The following EPHA6 variants were observed in gnomAD, a reference collection of about 807,000 sequenced individuals.
EPHA6 encodes the protein EPH receptor A6.
EPHA6 carries 50 observed loss-of-function variants against 112.0 expected under a neutral mutation model. The observed-to-expected ratio is 0.45, with a 90% CI of 0.36 to 0.56. The LOEUF is 0.56. Ranked by LOEUF, EPHA6 falls within the 20% of genes least tolerant of loss-of-function variation. EPHA6 has a pLI of 0.00. For synonymous variants in EPHA6, 529 were observed against 490.7 expected, an observed-to-expected ratio of 1.08 and a Z score of -1.03; for missense variants, 1,280 against 1,417.4, an observed-to-expected ratio of 0.90 and a Z score of 1.56.
chr3:97,139,526 A>G (rs2075845592), intron 3 of EPHA6, among the ~76,000 whole-genome samples: 1 of 152,182 alleles, frequency 6.6e-6, no homozygotes, highest in Non-Finnish European at 1.5e-5. Context: ...CACAAGTACT[A>G]AAACCTACAA....
chr3:97,369,574 G>A (rs1047996875), intron 5 of EPHA6, among the ~76,000 whole-genome samples: 5 of 152,104 alleles, frequency 3.3e-5, no homozygotes, highest in African/African-American at 4.8e-5. Flanking sequence ...AGGGATGACT[G>A]GTTTGGTATG....
In EPHA6 at chr3:97,543,455, T is replaced by A. The variant is rs533745192; in HGVS notation, c.2386+10912T>A. ...CTCTGTTCTGTTCCATTGGTCTATA[T>A]CTCTGTTTTGGTACCAGTACCATGC... On this transcript the variant is annotated intron_variant, in intron 11 of 17. Coordinates refer to ENST00000389672, the MANE Select transcript of EPHA6 (RefSeq NM_001080448.3). Among the ~76,000 whole-genome samples, 298 of 152,290 alleles carry A rather than the reference T, an allele frequency of 2.0e-3. 1 individual carries two copies. Among genetic ancestry groups the A allele is most frequent in the African/African-American group, 6.7e-3 (279 of 41,554 alleles).
At chr3:96,930,231 C>G (rs1199872103) in intron 2 of EPHA6, among the ~76,000 whole-genome samples, 1 of 152,194 alleles carries the variant, frequency 6.6e-6, no homozygotes, top group Non-Finnish European at 1.5e-5. Context: ...TTTCAGCCAT[C>G]TCAGCCTCAG....
At chr3:97,738,261 A>C (rs2035359215) in intron 16 of EPHA6, among the ~76,000 whole-genome samples, 2 of 151,890 alleles carry the variant, frequency 1.3e-5, no homozygotes, top group African/African-American at 4.8e-5. Context: ...TGACTTGGTC[A>C]TGCTGTAGTA....
chr3:97,028,996 A>G (rs545371522), intron 3 of EPHA6, among the ~76,000 whole-genome samples: 21 of 151,780 alleles, frequency 1.4e-4, no homozygotes, highest in African/African-American at 5.1e-4. Flanking sequence ...CAAGAAGGAA[A>G]TGAAATATTG....
intron 13 of EPHA6, among the ~76,000 whole-genome samples, chr3:97,636,781 T>C (rs1054396914): frequency 7.9e-5 from 12 of 152,158 alleles, no homozygotes; most frequent in African/African-American, 1.9e-4. Flanking sequence ...TATAAGTTTC[T>C]CTTATTTGTG....
intron 2 of EPHA6, among the ~76,000 whole-genome samples, chr3:96,946,868 C>T (rs1438464797): frequency 3.9e-5 from 6 of 152,042 alleles, no homozygotes; most frequent in Non-Finnish European, 8.8e-5. Context: ...ATCACCATTC[C>T]AATTGGTGTG....
chr3:96,977,618 T>TTTAA (rs1476579263), intron 2 of EPHA6, among the ~76,000 whole-genome samples: 1 of 152,178 alleles, frequency 6.6e-6, no homozygotes, highest in East Asian at 1.9e-4. Context: ...AGAGACCCTA[T>TTTAA]TTAATTTAAT....
intron 5 of EPHA6, among the ~76,000 whole-genome samples, chr3:97,249,603 A>G (rs1467237242): frequency 6.6e-6 from 1 of 152,144 alleles, no homozygotes; most frequent in African/African-American, 2.4e-5. Flanking sequence ...CTGTTCTCAG[A>G]CAGTTGTGTA....
At chr3:97,648,212 C>T (rs2094081047) in intron 14 of EPHA6, 8 of 662,598 alleles carry the variant, frequency 1.2e-5, no homozygotes, top group East Asian at 1.1e-4. Context: ...TACAGAGCCT[C>T]ATTATTGACA....
intron 3 of EPHA6, among the ~76,000 whole-genome samples, chr3:96,992,359 C>T (rs975833727): frequency 1.3e-5 from 2 of 152,134 alleles, no homozygotes; most frequent in Non-Finnish European, 2.9e-5. Flanking sequence ...CTTTTTGTTA[C>T]GGCAACACCC....
intron 13 of EPHA6, among the ~76,000 whole-genome samples, chr3:97,621,313 G>A (rs1210959217): frequency 6.6e-6 from 1 of 151,676 alleles, no homozygotes; most frequent in East Asian, 1.9e-4. Context: ...ATAACTAATG[G>A]ATGCTAGACT....
chr3:96,865,021 A>C (rs1234525976), intron 1 of EPHA6, among the ~76,000 whole-genome samples: 2 of 152,092 alleles, frequency 1.3e-5, no homozygotes, highest in Admixed American at 6.6e-5. Context: ...TGTATACAAG[A>C]AACAAGATTG....
In EPHA6 at chr3:97,736,104, G is replaced by A. The variant is rs771097290; in HGVS notation, c.3114G>A (p.Val1038=). The A allele has an allele frequency of 5.6e-6, 9 of 1,611,682 alleles. No individual in the cohort carries two copies. Among genetic ancestry groups the A allele is most frequent in the South Asian group, 1.1e-5 (1 of 90,882 alleles). The part of the protein sequence containing the change: ...IRNPSALHTL[V]EDILVMPESP... The stretch of plus-strand genomic sequence containing the variant: ...ATCCCAGTGCCCTTCACACCCTGGT[G>A]GAGGACATCCTTGTGTAAGAGGCAT... Residue 1038 remains valine, a synonymous_variant, in exon 16 of 18, where the codon GTG becomes GTA. Transcript: ENST00000389672.
At chr3:97,285,922 T>C (rs1302513297) in intron 5 of EPHA6, among the ~76,000 whole-genome samples, 3 of 152,130 alleles carry the variant, frequency 2.0e-5, no homozygotes, top group South Asian at 4.1e-4. Flanking sequence ...ATTTCATAAA[T>C]AATCATTCTA....
At chr3:97,563,034 A>G (rs983184700) in intron 11 of EPHA6, among the ~76,000 whole-genome samples, 1 of 152,188 alleles carries the variant, frequency 6.6e-6, no homozygotes, top group Admixed American at 6.5e-5. Flanking sequence ...CATAACTTTT[A>G]TATGCACTTG....
At chr3:97,197,844 G>T (rs185809782) in intron 3 of EPHA6, among the ~76,000 whole-genome samples, 7 of 152,106 alleles carry the variant, frequency 4.6e-5, no homozygotes, top group Admixed American at 2.0e-4. Flanking sequence ...AGGAACTCAG[G>T]CTCTGACTCC....
intron 3 of EPHA6, among the ~76,000 whole-genome samples, chr3:97,153,444 G>A (rs1017855792): frequency 6.6e-6 from 1 of 152,008 alleles, no homozygotes; most frequent in Non-Finnish European, 1.5e-5. Context: ...TAAAAGCAAA[G>A]TGATGCCTTT....
intron 9 of EPHA6, 33 bp from the exon 10 acceptor site, chr3:97,483,901 A>C (rs1260846979): frequency 6.3e-7 from 1 of 1,578,210 alleles, no homozygotes; most frequent in East Asian, 2.3e-5. Flanking sequence ...AGATACTCAA[A>C]CTAAATCAAT....
Sources: gnomAD v4.1 joint callset for allele counts (sites outside exome capture counted in the v4.1 genomes callset) on GRCh38, gnomAD v4.1.1 for gene constraint, MANE v1.5 for transcripts, NCBI Gene and HGNC (gene_info 2026-07-23, HGNC 2026-07-21) for gene names.